Variants in C2CD3 observed in about 807,000 individuals in gnomAD.
The protein encoded by C2CD3 is C2 domain-containing protein 3.
Under a neutral mutation model 234.0 loss-of-function variants are expected in C2CD3, and 148 were observed. The ratio of observed to expected loss-of-function variants is 0.63; its 90% CI spans 0.55 to 0.72. C2CD3 has a LOEUF of 0.72. C2CD3 is among the 30% of genes least tolerant of loss of function. C2CD3 has a pLI of 0.00. For missense variants in C2CD3, 2,577 were observed against 2,811.5 expected, an observed-to-expected ratio of 0.92 and a Z score of 1.89; for synonymous variants, 1,000 against 1,035.4, an observed-to-expected ratio of 0.97 and a Z score of 0.66.
intron 7 of C2CD3, among the ~76,000 whole-genome samples, chr11:74,124,929 C>T (rs1957357942): frequency 6.6e-6 from 1 of 152,106 alleles, no homozygotes; most frequent in African/African-American, 2.4e-5. Flanking sequence ...CTATGATATA[C>T]TAAAAGGGCT....
chr11:74,087,402 A>G (rs1032195877), intron 20 of C2CD3, among the ~76,000 whole-genome samples: 1 of 152,086 alleles, frequency 6.6e-6, no homozygotes, highest in African/African-American at 2.4e-5. Flanking sequence ...CATCTCTACT[A>G]AAAATACAAA....
chr11:74,087,621 T>C (rs552841048), intron 20 of C2CD3, among the ~76,000 whole-genome samples: 3 of 151,888 alleles, frequency 2.0e-5, no homozygotes, highest in Non-Finnish European at 4.4e-5. Flanking sequence ...TAACATTAGA[T>C]AATATATACA....
intron 32 of C2CD3, among the ~76,000 whole-genome samples, chr11:74,014,441 G>C (rs902076367): frequency 4.6e-5 from 7 of 152,150 alleles, no homozygotes; most frequent in African/African-American, 1.7e-4. Flanking sequence ...CCACTTCCTG[G>C]GCACTGAGAA....
chr11:74,033,330 G>A, intron 31 of C2CD3, 21 bp downstream of exon 31: 4 of 1,531,326 alleles, frequency 2.6e-6, no homozygotes, highest in South Asian at 2.4e-5. Context: ...CAAACCACTT[G>A]TGGGAAATGC....
intron 11 of C2CD3, among the ~76,000 whole-genome samples, chr11:74,112,258 C>G (rs1016479648): frequency 2.0e-5 from 3 of 152,144 alleles, no homozygotes; most frequent in African/African-American, 7.2e-5. Flanking sequence ...GATGAACTAA[C>G]TATTCATAGA....
rs777494204 is a variant in C2CD3, at chr11:74,132,843, C to T, written c.1217+1G>A. On this transcript the variant is annotated splice_donor_variant, in intron 7 of 32. Coordinates refer to ENST00000334126, the MANE Select transcript of C2CD3 (RefSeq NM_001286577.2). LOFTEE classifies it high-confidence loss of function. ...GAAGAAAGCCAGTTAATAGTGCTTACCTGCCTAATAGCAGCTGTATAGCTC... is the reference window on the plus strand; with the variant it reads ...GAAGAAAGCCAGTTAATAGTGCTTATCTGCCTAATAGCAGCTGTATAGCTC... 13 of 1,612,882 alleles carry T rather than the reference C, an allele frequency of 8.1e-6. No homozygotes were observed. Among genetic ancestry groups the T allele is most frequent in the Admixed American group, 5.0e-5 (3 of 59,836 alleles).
Position 74,034,276 on chromosome 11 carries a change from G to T in C2CD3, c.5884C>A (p.Leu1962Met). The part of the protein sequence containing the change: ...VLQVSSLITD[L>M]QTITRDSQAA... ...TGCGAATCCCTGGTGATAGTCTGCA[G>T]ATCTGAACAGCAACACATATCACTC... Residue 1962 changes from leucine to methionine, a missense_variant and splice_region_variant, in exon 31 of 33, where the codon CTG (leucine) becomes ATG (methionine). Physicochemically the swap from Leu to Met is conservative, Grantham distance 15. Transcript: ENST00000334126. 1 of 1,534,454 alleles carries T rather than the reference G, an allele frequency of 6.5e-7. No homozygotes were observed. Among genetic ancestry groups the T allele is most frequent in the South Asian group, 1.2e-5 (1 of 83,846 alleles).
At position 74,170,706 on chromosome 11, in the gene C2CD3, C is replaced by G. The variant is rs141934907; in HGVS notation, c.55+32G>C. On this transcript the variant is annotated intron_variant, in intron 1 of 32. Coordinates refer to ENST00000334126, the MANE Select transcript of C2CD3 (RefSeq NM_001286577.2). The stretch of plus-strand genomic sequence containing the variant: ...TTCCTTACACCCTGCTCTCCTATTA[C>G]GCTTTCCTCAATCTTTGATCGCTCA... 7 of 1,613,906 alleles carry G rather than the reference C, an allele frequency of 4.3e-6. No individual in the cohort carries two copies. In the Admixed American group the frequency reaches 6.7e-5, roughly 15 times the overall value.
chr11:74,151,594 T>C (rs1423636733), intron 3 of C2CD3, among the ~76,000 whole-genome samples: 1 of 152,144 alleles, frequency 6.6e-6, no homozygotes, highest in Non-Finnish European at 1.5e-5. Context: ...CCCAAAGTGC[T>C]AGGATTACAG....
intron 12 of C2CD3, among the ~76,000 whole-genome samples, chr11:74,106,838 G>T (rs1024628218): frequency 6.6e-6 from 1 of 152,172 alleles, no homozygotes; most frequent in African/African-American, 2.4e-5. Context: ...TAAAACTAGG[G>T]AAATTGTAAA....
intron 31 of C2CD3, among the ~76,000 whole-genome samples, chr11:74,031,134 C>T (rs1037005783): frequency 6.6e-6 from 1 of 152,202 alleles, no homozygotes; most frequent in Non-Finnish European, 1.5e-5. Flanking sequence ...TCTTGCTTAA[C>T]AGTGAACACT....
chr11:74,056,527 A>G (rs826045), intron 25 of C2CD3, among the ~76,000 whole-genome samples: 7,004 of 152,220 alleles, frequency 0.046, 470 homozygotes, highest in African/African-American at 0.15. Flanking sequence ...GGACCTAACA[A>G]TGACCTTATA....
At chr11:74,043,141 G>T (rs1953156389) in intron 28 of C2CD3, among the ~76,000 whole-genome samples, 1 of 152,270 alleles carries the variant, frequency 6.6e-6, no homozygotes, top group South Asian at 2.1e-4. Flanking sequence ...ATACCCATTA[G>T]AACCATTCTA....
At chr11:74,129,647 G>A (rs1957568470) in intron 7 of C2CD3, 1 of 168,728 alleles carries the variant, frequency 5.9e-6, no homozygotes, top group East Asian at 1.9e-4. Context: ...GCCAGGCAGA[G>A]ACGCTCCTCA....
At position 74,078,163 on chromosome 11, in the gene C2CD3, C is replaced by A. The variant is rs201031035; in HGVS notation, c.4555G>T (p.Asp1519Tyr). 1.2e-6 allele frequency: 2 copies of A among 1,613,994 alleles called. No homozygotes were observed. Among genetic ancestry groups the A allele is most frequent in the Non-Finnish European group, 1.7e-6 (2 of 1,179,998 alleles). ...TDSWIGSAYV[D>Y]LARLGERSAR... Reference sequence around the variant, plus strand: ...GACCTCTCCCCAAGTCTGGCCAGGTCCACATAGGCTGAGCCAATCCAGCTG... The same window carrying A: ...GACCTCTCCCCAAGTCTGGCCAGGTACACATAGGCTGAGCCAATCCAGCTG... The change falls in exon 23 of 33, where the codon GAC becomes TAC. Residue 1519 changes from aspartate to tyrosine, a missense_variant. Asp to Tyr is a radical substitution (Grantham distance 160). Transcript: ENST00000334126.
At chr11:74,152,049 A>G (rs1326826698) in intron 3 of C2CD3, among the ~76,000 whole-genome samples, 1 of 152,204 alleles carries the variant, frequency 6.6e-6, no homozygotes, top group African/African-American at 2.4e-5. Flanking sequence ...GAAAAAACCA[A>G]ACTCAAGTCA....
At chr11:74,110,971 T>A (rs147313521) in intron 11 of C2CD3, among the ~76,000 whole-genome samples, 1 of 152,372 alleles carries the variant, frequency 6.6e-6, no homozygotes, top group Non-Finnish European at 1.5e-5. Flanking sequence ...TCAATGCTTA[T>A]TCCACATTTC....
rs571610475 is a variant in C2CD3, at chr11:74,124,713, T to C, written c.1218-1578A>G. Among the ~76,000 whole-genome samples the C allele has an allele frequency of 3.3e-5, 5 of 152,340 alleles. No homozygotes were observed. In the East Asian group the frequency reaches 9.6e-4, roughly 29 times the overall value. On this transcript the variant is annotated intron_variant, in intron 7 of 32. Coordinates refer to ENST00000334126, the MANE Select transcript of C2CD3 (RefSeq NM_001286577.2). ...TTCTGCAGCCCAGGAGTTTGAGACC[T>C]ACTTCATTTTGAAACTTTACTTTTT...
chr11:74,139,863 T>A, intron 3 of C2CD3, 35 bp from the exon 4 acceptor site: 1 of 1,237,176 alleles, frequency 8.1e-7, no homozygotes. Flanking sequence ...GAAATTTTCT[T>A]TAGCATTGAT....
Sources: gnomAD v4.1 joint callset for allele counts (sites outside exome capture counted in the v4.1 genomes callset) on GRCh38, gnomAD v4.1.1 for gene constraint, MANE v1.5 for transcripts, NCBI Gene and HGNC (gene_info 2026-07-23, HGNC 2026-07-21) for gene names.